The following UBE3B variants were observed in gnomAD, a reference collection of about 807,000 sequenced individuals.
UBE3B encodes the protein ubiquitin protein ligase E3B.
In UBE3B, 80 loss-of-function variants were observed where a neutral mutation model predicts 132.3. The ratio of observed to expected loss-of-function variants is 0.60; its 90% CI spans 0.50 to 0.73. UBE3B has a LOEUF of 0.73. UBE3B is among the 30% of genes least tolerant of loss of function. The probability of loss-of-function intolerance (pLI) is 0.00; values close to 1 mark genes in which losing one functional copy is unlikely to be tolerated. For missense variants in UBE3B, 1,196 were observed against 1,362.5 expected (o/e 0.88, Z 1.92); for synonymous variants, 487 against 520.4 (o/e 0.94, Z 0.87).
intron 1 of UBE3B, among the ~76,000 whole-genome samples, chr12:109,478,840 A>G (rs1874817217): frequency 6.6e-6 from 1 of 152,232 alleles, no homozygotes; most frequent in Admixed American, 6.5e-5. Flanking sequence ...TGGTTAAATA[A>G]TCTGTGCAGT....
In UBE3B at chr12:109,534,286, G is replaced by A; in HGVS notation, c.3016-305G>A. 1 of 1,360,730 alleles carries A rather than the reference G, an allele frequency of 7.3e-7. No individual in the cohort carries two copies. The highest frequency in any genetic ancestry group is 3.0e-5 in the East Asian group (1 of 33,374). 84.3% of individuals were successfully genotyped at this position (1,360,730 alleles called of 1,614,324 possible). On this transcript the variant is annotated intron_variant, in intron 27 of 27. Transcript: ENST00000342494. The surrounding 1 kb of genome is among the most constrained non-coding windows in gnomAD (Gnocchi z 5.2). ...GTTTGGGCACCTAACAGTTTTTACA[G>A]CATTCTACTTTTTGTCAATTGGTTA... is the stretch of plus-strand genomic sequence containing the variant.
intron 17 of UBE3B, 53 bp from the exon 18 acceptor site, chr12:109,511,151 A>G: frequency 1.3e-6 from 2 of 1,527,884 alleles, no homozygotes; most frequent in East Asian, 2.3e-5. Flanking sequence ...GCCTCACACT[A>G]GAGGATGGTT....
intron 18 of UBE3B, among the ~76,000 whole-genome samples, chr12:109,516,167 C>CTTTTTTTTTTTTTT (rs59084691): frequency 4.2e-4 from 38 of 91,128 alleles, no homozygotes; most frequent in African/African-American, 9.8e-4. Flanking sequence ...TCTTTTTTTT[C>CTTTTTTTTTTTTTT]TTTTTTTTTT....
At chr12:109,497,425 C>T (rs1878352794) in intron 9 of UBE3B, among the ~76,000 whole-genome samples, 1 of 152,074 alleles carries the variant, frequency 6.6e-6, no homozygotes, top group Non-Finnish European at 1.5e-5. Flanking sequence ...ACAGAGTGAA[C>T]ACACCTGGGT....
At chr12:109,494,684 A>T (rs1877950952) in intron 9 of UBE3B, among the ~76,000 whole-genome samples, 1 of 152,208 alleles carries the variant, frequency 6.6e-6, no homozygotes, top group Non-Finnish European at 1.5e-5. Flanking sequence ...ATGCTGGGGA[A>T]ATCGGTAATA....
intron 23 of UBE3B, among the ~76,000 whole-genome samples, chr12:109,525,384 C>T (rs551136436): frequency 3.5e-4 from 53 of 152,314 alleles, no homozygotes; most frequent in African/African-American, 1.2e-3. Flanking sequence ...CTCGCAGGAT[C>T]GTTCTCTACA....
chr12:109,508,923 A>C, intron 15 of UBE3B: 2 of 199,168 alleles, frequency 1.0e-5, no homozygotes, highest in Non-Finnish European at 1.8e-5. Flanking sequence ...CTCAGTAAAC[A>C]TCGACTCTCA....
chr12:109,489,882 A>T (rs2241214), intron 7 of UBE3B, 37 bp from the exon 8 acceptor site: 108,924 of 1,593,898 alleles, frequency 0.068, 5,397 homozygotes, highest in South Asian at 0.2. Flanking sequence ...ACATTATGGC[A>T]AGAGACTTTT....
intron 9 of UBE3B, among the ~76,000 whole-genome samples, chr12:109,495,453 A>G (rs1196799552): frequency 1.3e-5 from 2 of 152,182 alleles, no homozygotes; most frequent in Non-Finnish European, 2.9e-5. Context: ...GGCATTTAGT[A>G]TGTTCACAGA....
Position 109,497,884 on chromosome 12 carries a change from G to A in UBE3B, c.780G>A (p.Val260=). Residue 260 remains valine (V), a synonymous_variant, in exon 10 of 28, where the codon GTG becomes GTA. Transcript: ENST00000342494. ...CGTTCCTCATCCACATCATGTCTGT[G>A]CCTGCTCTGGTGACTCATCTCAGCA... is the stretch of plus-strand genomic sequence containing the variant. ...IRPFLIHIMS[V]PALVTHLSTV... is the part of the protein sequence containing the mutation. The A allele has an allele frequency of 6.2e-7, 1 of 1,614,130 alleles. No homozygotes were observed. Among genetic ancestry groups the A allele is most frequent in the Admixed American group, 1.7e-5 (1 of 60,022 alleles).
chr12:109,482,032 C>T (rs981106797), intron 2 of UBE3B, among the ~76,000 whole-genome samples: 5 of 152,012 alleles, frequency 3.3e-5, no homozygotes, highest in Admixed American at 2.6e-4. Flanking sequence ...GAGGCTTGCA[C>T]CAACTTTTTT....
In UBE3B at chr12:109,528,495, G is replaced by C. The variant is rs549733925; in HGVS notation, c.2628-1395G>C. The C allele has an allele frequency of 4.8e-5, 47 of 985,184 alleles. 1 individual carries two copies. The South Asian group carries it at 2.1e-3, about 44-fold the overall frequency. The allele number at this position is 985,184 out of a possible 1,614,324, so 61.0% of individuals were successfully genotyped here. On this transcript the variant is annotated intron_variant, in intron 24 of 27. Coordinates refer to ENST00000342494, the MANE Select transcript of UBE3B (RefSeq NM_130466.4). ...TTTAGCATTGTAAAACATTTATTTG[G>C]ACTCTACTGATTTGGAATTGGTGAG...
intron 19 of UBE3B, chr12:109,518,035 GC>G: frequency 5.3e-6 from 2 of 375,374 alleles, no homozygotes; most frequent in Non-Finnish European, 1.1e-5. Context: ...GAATTGAAGG[GC>G]CCACTGGGCC....
intron 26 of UBE3B, 48 bp downstream of exon 26, chr12:109,530,706 T>G: frequency 6.4e-7 from 1 of 1,552,430 alleles, no homozygotes; most frequent in Non-Finnish European, 8.9e-7. Context: ...CTCATAAACC[T>G]GGAAGGCCAG....
intron 18 of UBE3B, among the ~76,000 whole-genome samples, chr12:109,514,553 G>A (rs1422862966): frequency 6.6e-6 from 1 of 152,118 alleles, no homozygotes; most frequent in Non-Finnish European, 1.5e-5. Flanking sequence ...GATGTAACTC[G>A]CCTTCCGCCT....
downstream of UBE3B, among the ~76,000 whole-genome samples, chr12:109,537,790 C>T (rs1263864381): frequency 2.0e-5 from 3 of 152,168 alleles, no homozygotes; most frequent in African/African-American, 7.2e-5. Flanking sequence ...CTGCAGGCTC[C>T]GTCTCCCAGG....
chr12:109,480,470 G>A (rs530122740), intron 1 of UBE3B, among the ~76,000 whole-genome samples: 3 of 152,182 alleles, frequency 2.0e-5, no homozygotes, highest in African/African-American at 7.2e-5. Context: ...GGGCAATATA[G>A]CGAGACCCCA....
intron 14 of UBE3B, among the ~76,000 whole-genome samples, chr12:109,504,735 G>A (rs1404358940): frequency 6.6e-6 from 1 of 152,150 alleles, no homozygotes; most frequent in Non-Finnish European, 1.5e-5. Flanking sequence ...CCATACCTGG[G>A]GTACCCCAGC....
the UBE3B span, among the ~76,000 whole-genome samples, chr12:109,544,347 G>A: frequency 5.2e-4 from 72 of 139,692 alleles, no homozygotes; most frequent in Non-Finnish European, 9.0e-4. Flanking sequence ...ATGTTCTAGA[G>A]GTATGGGGGG....
Sources: gnomAD v4.1 joint callset for allele counts (sites outside exome capture counted in the v4.1 genomes callset) on GRCh38, gnomAD v4.1.1 for gene constraint, Gnocchi (gnomAD v3.1) non-coding constraint, MANE v1.5 for transcripts, NCBI Gene and HGNC (gene_info 2026-07-23, HGNC 2026-07-21) for gene names.